Variants in XKR6 observed in about 807,000 individuals in gnomAD.
The protein encoded by XKR6 is XK-related protein 6.
XKR6 carries 22 observed loss-of-function variants against 56.7 expected under a neutral mutation model. The observed-to-expected ratio is 0.39, with a 90% CI of 0.28 to 0.55. XKR6 has a LOEUF of 0.55. Ranked by LOEUF, XKR6 falls within the 20% of genes least tolerant of loss-of-function variation. XKR6 has a pLI of 0.66. For missense variants in XKR6, 852 were observed against 889.0 expected, an observed-to-expected ratio of 0.96 and a Z score of 0.53; for synonymous variants, 524 against 387.8, an observed-to-expected ratio of 1.35 and a Z score of -4.13.
intron 1 of XKR6, among the ~76,000 whole-genome samples, chr8:11,129,776 G>A (rs1800010017): frequency 6.6e-6 from 1 of 151,418 alleles, no homozygotes; most frequent in Non-Finnish European, 1.5e-5. Flanking sequence ...CAGGACAGAG[G>A]GATCTTTTCT....
intron 1 of XKR6, among the ~76,000 whole-genome samples, chr8:11,070,234 G>C (rs1800082086): frequency 6.6e-6 from 1 of 152,090 alleles, no homozygotes; most frequent in Admixed American, 6.6e-5. Context: ...CCTGCGTCTT[G>C]GTTTATGTTT....
intron 1 of XKR6, among the ~76,000 whole-genome samples, chr8:11,034,375 G>A (rs1339016996): frequency 6.6e-6 from 1 of 152,190 alleles, no homozygotes; most frequent in African/African-American, 2.4e-5. Context: ...GAGCATCATG[G>A]GTAAAGGTAC....
chr8:11,108,409 T>C (rs1798760892), intron 1 of XKR6: 1 of 442,916 alleles, frequency 2.3e-6, no homozygotes, highest in South Asian at 1.6e-5. Context: ...TAAGAAAAAG[T>C]CACACTTAGG....
chr8:10,939,133 G>T (rs1428872119), intron 1 of XKR6, among the ~76,000 whole-genome samples: 3 of 152,132 alleles, frequency 2.0e-5, no homozygotes, highest in African/African-American at 7.2e-5. Flanking sequence ...GGATGGAAAG[G>T]CCCAAAGGAA....
At chr8:11,068,544 T>G (rs957453091) in intron 1 of XKR6, among the ~76,000 whole-genome samples, 1 of 152,130 alleles carries the variant, frequency 6.6e-6, no homozygotes, top group Admixed American at 6.5e-5. Flanking sequence ...GCACAATGCT[T>G]TCTCCTCCCT....
At chr8:10,942,440 C>A (rs1208749383) in intron 1 of XKR6, among the ~76,000 whole-genome samples, 2 of 152,230 alleles carry the variant, frequency 1.3e-5, no homozygotes, top group African/African-American at 4.8e-5. Flanking sequence ...AGGTCTCTTG[C>A]CTGTGCTTCC....
chr8:11,083,908 G>T (rs950648353), intron 1 of XKR6, among the ~76,000 whole-genome samples: 6 of 151,792 alleles, frequency 4.0e-5, no homozygotes, highest in African/African-American at 1.2e-4. Flanking sequence ...GAGACAGATT[G>T]TAAGTTTGCT....
intron 1 of XKR6, chr8:11,137,879 T>C (rs1800487025): frequency 5.5e-6 from 2 of 360,806 alleles, no homozygotes; most frequent in South Asian, 4.3e-5. Flanking sequence ...ATATATTAAA[T>C]AAACTAAAGA....
At chr8:11,166,621 G>A (rs556786562) in intron 1 of XKR6, among the ~76,000 whole-genome samples, 2 of 152,132 alleles carry the variant, frequency 1.3e-5, no homozygotes, top group Admixed American at 1.3e-4. Flanking sequence ...CGCTCAGGCT[G>A]GAGTGCCATG....
intron 1 of XKR6, among the ~76,000 whole-genome samples, chr8:11,056,302 A>G (rs1799683853): frequency 6.6e-6 from 1 of 152,176 alleles, no homozygotes; most frequent in Non-Finnish European, 1.5e-5. Flanking sequence ...CATTGCTGTA[A>G]TTTACATTTC....
chr8:10,985,332 T>C (rs1388113726), intron 1 of XKR6, among the ~76,000 whole-genome samples: 1 of 152,240 alleles, frequency 6.6e-6, no homozygotes, highest in Non-Finnish European at 1.5e-5. Context: ...CTGCACCCAC[T>C]TTCTTGCCAG....
chr8:10,952,346 C>T (rs1262220148), intron 1 of XKR6, among the ~76,000 whole-genome samples: 1 of 152,230 alleles, frequency 6.6e-6, no homozygotes, highest in East Asian at 1.9e-4. Context: ...TATGCACAGT[C>T]CATAAACCCC....
intron 1 of XKR6, among the ~76,000 whole-genome samples, chr8:11,047,648 T>C (rs1799443291): frequency 6.6e-6 from 1 of 152,196 alleles, no homozygotes; most frequent in Admixed American, 6.5e-5. Context: ...TGTTGTTTGA[T>C]GGAGACAGAG....
At chr8:10,977,763 T>C (rs917729584) in intron 1 of XKR6, among the ~76,000 whole-genome samples, 1 of 151,434 alleles carries the variant, frequency 6.6e-6, no homozygotes, top group Non-Finnish European at 1.5e-5. Flanking sequence ...GTGGGAAGGT[T>C]ACTGGACCAC....
intron 1 of XKR6, among the ~76,000 whole-genome samples, chr8:11,050,890 G>T (rs1479581375): frequency 6.6e-6 from 1 of 151,986 alleles, no homozygotes; most frequent in African/African-American, 2.4e-5. Context: ...TCTCTCTGGT[G>T]GTCACCCTCA....
At chr8:11,038,071 C>T (rs1799191767) in intron 1 of XKR6, among the ~76,000 whole-genome samples, 2 of 149,650 alleles carry the variant, frequency 1.3e-5, no homozygotes, top group Admixed American at 6.7e-5. Flanking sequence ...ATGTCTAAGA[C>T]AAACTATTAA....
intron 2 of XKR6, among the ~76,000 whole-genome samples, chr8:10,899,518 G>C (rs1799978005): frequency 6.6e-6 from 1 of 152,194 alleles, no homozygotes; most frequent in Non-Finnish European, 1.5e-5. Flanking sequence ...ACAAGATCCA[G>C]GACACTGGGA....
At chr8:10,934,855 A>G (rs1320368789) in intron 1 of XKR6, among the ~76,000 whole-genome samples, 1 of 148,228 alleles carries the variant, frequency 6.7e-6, no homozygotes, top group Non-Finnish European at 1.5e-5. Flanking sequence ...TTGGTCTAAA[A>G]TTCTCTTTTT....
At chr8:11,050,146 T>C (rs1481222905) in intron 1 of XKR6, among the ~76,000 whole-genome samples, 6 of 152,200 alleles carry the variant, frequency 3.9e-5, no homozygotes, top group Non-Finnish European at 1.5e-5. Context: ...GGGCCGGTGC[T>C]GTTGTGGCTA....
Sources: allele counts gnomAD v4.1 joint callset (sites outside exome capture counted in the v4.1 genomes callset), GRCh38; gene constraint gnomAD v4.1.1; transcripts MANE v1.5; gene names NCBI Gene and HGNC (gene_info 2026-07-23, HGNC 2026-07-21).